ARHGAP31: variants seen among roughly 807,000 people sequenced by gnomAD.
ARHGAP31 encodes rho GTPase-activating protein 31.
Under a neutral mutation model 113.9 loss-of-function variants are expected in ARHGAP31, and 34 were observed. The observed-to-expected ratio is 0.30, with a 90% CI of 0.23 to 0.40. ARHGAP31 has a LOEUF of 0.40. Ranked by LOEUF, ARHGAP31 falls within the 10% of genes least tolerant of loss-of-function variation. The pLI is 1.00. For synonymous variants in ARHGAP31, 650 were observed against 684.8 expected (o/e 0.95, Z 0.79); for missense variants, 1,548 against 1,767.1 (o/e 0.88, Z 2.22).
intron 1 of ARHGAP31, among the ~76,000 whole-genome samples, chr3:119,320,461 A>C (rs186615360): frequency 4.5e-4 from 69 of 152,358 alleles, no homozygotes; most frequent in Admixed American, 9.1e-4. Flanking sequence ...CCAAATGTGA[A>C]GATGTTAAAT....
chr3:119,369,483 G>T (rs2080278176), intron 3 of ARHGAP31, among the ~76,000 whole-genome samples: 1 of 152,202 alleles, frequency 6.6e-6, no homozygotes, highest in Admixed American at 6.5e-5. Flanking sequence ...ACAGTTTTGG[G>T]TAAGGACCAG....
At position 119,402,019 on chromosome 3, in the gene ARHGAP31, G is replaced by C. The variant is rs200205441; in HGVS notation, c.1267G>C (p.Ala423Pro). Residue 423 changes from alanine (A) to proline (P), a missense_variant, in exon 10 of 12, where the codon GCT (alanine) becomes CCT (proline). By Grantham distance (27) the Ala-to-Pro change is conservative. Coordinates refer to ENST00000264245, the MANE Select transcript of ARHGAP31 (RefSeq NM_020754.4). The stretch of plus-strand genomic sequence containing the variant: ...CAGTGATCGCAGCCATCTCCAGGGC[G>C]CTCAGGCCCGGCCCCCACCGGAACA... ...VSSDRSHLQG[A>P]QARPPPEQLK... 77 of 1,614,018 alleles carry C rather than the reference G, an allele frequency of 4.8e-5. No individual in the cohort carries two copies. In the African/African-American group the frequency reaches 5.9e-4, roughly 12 times the overall value.
rs569520062 is a variant in ARHGAP31, at chr3:119,346,330, C to T, written c.101-18986C>T. Among the ~76,000 whole-genome samples the T allele has an allele frequency of 3.0e-4, 46 of 152,342 alleles. 1 individual carries two copies. The South Asian group carries it at 8.9e-3, about 30-fold the overall frequency. On this transcript the variant is annotated intron_variant, in intron 1 of 11. Transcript: ENST00000264245. ...TCCTTCTTGCTGAGGATCAGCTACT[C>T]GCTATTTAAGAAGAGAAAGCAAATT...
chr3:119,368,569 A>C (rs1399047435), intron 3 of ARHGAP31, 53 bp downstream of exon 3: 24 of 1,602,016 alleles, frequency 1.5e-5, no homozygotes, highest in Non-Finnish European at 2.1e-5. Context: ...TGGATGGGCC[A>C]AGAAGAGTTT....
chr3:119,294,850 G>T lies in ARHGAP31; in HGVS notation c.-55G>T. ...CTAGCCCGGGAGCCCATCTTACAGC[G>T]GTGCCAAGCAGAGGGGCGGCAGAGA... On this transcript the variant is annotated 5_prime_UTR_variant, in exon 1 of 12. Transcript: ENST00000264245. 1 of 1,518,576 alleles carries T rather than the reference G, an allele frequency of 6.6e-7. No homozygotes were observed. 94.1% of individuals were successfully genotyped at this position (1,518,576 alleles called of 1,614,324 possible).
intron 1 of ARHGAP31, among the ~76,000 whole-genome samples, chr3:119,339,454 T>C (rs2079988601): frequency 6.6e-6 from 1 of 152,022 alleles, no homozygotes; most frequent in Non-Finnish European, 1.5e-5. Context: ...TAGAACAGTC[T>C]TGAAAAAGAA....
intron 1 of ARHGAP31, among the ~76,000 whole-genome samples, chr3:119,319,282 T>A (rs1209308718): frequency 6.6e-6 from 1 of 151,612 alleles, no homozygotes; most frequent in African/African-American, 2.4e-5. Context: ...TAGGGATGGG[T>A]CAGAAAATTT....
intron 11 of ARHGAP31, among the ~76,000 whole-genome samples, chr3:119,412,722 C>T (rs1267364434): frequency 6.6e-6 from 1 of 151,944 alleles, no homozygotes; most frequent in Non-Finnish European, 1.5e-5. Context: ...TATGTATTTC[C>T]TTGGTAATAA....
At chr3:119,345,278 G>C (rs920331938) in intron 1 of ARHGAP31, among the ~76,000 whole-genome samples, 5 of 152,098 alleles carry the variant, frequency 3.3e-5, no homozygotes, top group Non-Finnish European at 5.9e-5. Flanking sequence ...GTGCCACCAC[G>C]CCCGGCCCGG....
intron 1 of ARHGAP31, among the ~76,000 whole-genome samples, chr3:119,333,343 G>T (rs908872249): frequency 2.0e-5 from 3 of 152,152 alleles, no homozygotes; most frequent in African/African-American, 7.2e-5. Flanking sequence ...TTTCTGGAAG[G>T]AGCCAAGGTT....
intron 1 of ARHGAP31, among the ~76,000 whole-genome samples, chr3:119,353,294 T>C (rs2080127018): frequency 1.3e-5 from 2 of 152,238 alleles, no homozygotes; most frequent in Non-Finnish European, 2.9e-5. Flanking sequence ...CTAAAAGCTC[T>C]GCCTGACTTC....
chr3:119,407,272 AG>A (rs2080671313), intron 10 of ARHGAP31, among the ~76,000 whole-genome samples: 1 of 150,900 alleles, frequency 6.6e-6, no homozygotes, highest in African/African-American at 2.4e-5. Flanking sequence ...ACTTGAACCC[AG>A]GAGGCAGAGA....
intron 8 of ARHGAP31, among the ~76,000 whole-genome samples, chr3:119,397,731 A>C (rs2080565009): frequency 1.3e-5 from 2 of 152,176 alleles, no homozygotes; most frequent in South Asian, 4.1e-4. Context: ...GAACAGGGGA[A>C]CTTTAAACAA....
intron 1 of ARHGAP31, among the ~76,000 whole-genome samples, chr3:119,315,717 T>G (rs1396682112): frequency 2.0e-5 from 3 of 152,200 alleles, no homozygotes; most frequent in Non-Finnish European, 4.4e-5. Flanking sequence ...TTTGGTTTGG[T>G]GCAAAAGGGG....
intron 2 of ARHGAP31, among the ~76,000 whole-genome samples, chr3:119,367,781 C>T (rs1162840884): frequency 7.4e-5 from 11 of 149,032 alleles, no homozygotes; most frequent in Non-Finnish European, 4.4e-5. Context: ...CACTTGAACC[C>T]GGGAGGCGGA....
At chr3:119,300,694 G>A (rs2079573949) in intron 1 of ARHGAP31, among the ~76,000 whole-genome samples, 1 of 151,992 alleles carries the variant, frequency 6.6e-6, no homozygotes, top group Non-Finnish European at 1.5e-5. Flanking sequence ...TTAGCTGAGT[G>A]GCGGGGTCTG....
At chr3:119,367,594 C>T (rs2080260667) in intron 2 of ARHGAP31, among the ~76,000 whole-genome samples, 1 of 152,104 alleles carries the variant, frequency 6.6e-6, no homozygotes, top group Admixed American at 6.5e-5. Context: ...CATGGTGGCT[C>T]ACGCCTGTAA....
At chr3:119,331,399 A>G (rs2079890721) in intron 1 of ARHGAP31, among the ~76,000 whole-genome samples, 1 of 152,344 alleles carries the variant, frequency 6.6e-6, no homozygotes, top group African/African-American at 2.4e-5. Flanking sequence ...AAAATGGAAT[A>G]GGTTAAGTGA....
intron 6 of ARHGAP31, among the ~76,000 whole-genome samples, chr3:119,389,020 G>A (rs538162391): frequency 3.0e-4 from 46 of 152,224 alleles, no homozygotes; most frequent in African/African-American, 1.1e-3. Flanking sequence ...AATTAGCTTG[G>A]CATGGCGGTG....
Sources: allele counts gnomAD v4.1 joint callset (sites outside exome capture counted in the v4.1 genomes callset), GRCh38; gene constraint gnomAD v4.1.1; transcripts MANE v1.5; gene names NCBI Gene and HGNC (gene_info 2026-07-23, HGNC 2026-07-21).